Variants in OR9Q1 observed in about 807,000 individuals in gnomAD.
OR9Q1 encodes olfactory receptor 9Q1.
For missense variants in OR9Q1, 374 were observed against 378.8 expected (o/e 0.99, Z 0.11); for synonymous variants, 153 against 148.6 (o/e 1.03, Z -0.22).
Position 58,167,465 on chromosome 11 carries a change from C to G in OR9Q1, c.-14-11966C>G, listed in dbSNP as rs1854515907. Among the ~76,000 whole-genome samples, 2 of 152,072 alleles carry G rather than the reference C, an allele frequency of 1.3e-5. 1 individual carries two copies. Among genetic ancestry groups the G allele is most frequent in the African/African-American group, 4.8e-5 (2 of 41,408 alleles). On this transcript the variant is annotated intron_variant, in intron 2 of 2. Transcript: ENST00000335397. ...TTATGTATCTTGGGTTCTAGATAAA[C>G]TTTTAGATCAGCTTGTCGTGTTTTA... is the stretch of plus-strand genomic sequence containing the variant.
intron 2 of OR9Q1, among the ~76,000 whole-genome samples, chr11:58,061,274 C>A (rs1853378308): frequency 1.3e-5 from 2 of 152,194 alleles, no homozygotes; most frequent in African/African-American, 2.4e-5. Context: ...CAAAATTACA[C>A]AGAGGACGTG....
At chr11:58,033,872 A>G (rs866548125) in intron 1 of OR9Q1, among the ~76,000 whole-genome samples, 13 of 152,192 alleles carry the variant, frequency 8.5e-5, no homozygotes, top group Non-Finnish European at 1.5e-4. Context: ...CTAAGTCTCT[A>G]TAACAAGAGA....
chr11:58,120,091 T>G (rs1854012839), intron 2 of OR9Q1, among the ~76,000 whole-genome samples: 1 of 152,222 alleles, frequency 6.6e-6, no homozygotes, highest in Admixed American at 6.5e-5. Context: ...TATTAGCTGA[T>G]AACAAAAAGT....
intron 2 of OR9Q1, chr11:58,145,050 T>A (rs117883379): frequency 0.015 from 2,389 of 161,592 alleles, 22 homozygotes; most frequent in Non-Finnish European, 0.023. Context: ...TTGCCTGTAG[T>A]GAAACCAGGC....
chr11:58,140,689 G>T (rs994754331), intron 2 of OR9Q1, among the ~76,000 whole-genome samples: 2 of 152,162 alleles, frequency 1.3e-5, no homozygotes, highest in Non-Finnish European at 2.9e-5. Context: ...GGTTACTGTA[G>T]CCTTGTGGTA....
chr11:58,032,227 T>C (rs1853048915), intron 1 of OR9Q1, among the ~76,000 whole-genome samples: 1 of 152,064 alleles, frequency 6.6e-6, no homozygotes, highest in South Asian at 2.1e-4. Flanking sequence ...AAACTATCAA[T>C]GTCATTTTTC....
intron 1 of OR9Q1, among the ~76,000 whole-genome samples, chr11:58,037,439 G>T (rs1397637088): frequency 1.3e-5 from 2 of 151,554 alleles, no homozygotes; most frequent in Non-Finnish European, 2.9e-5. Flanking sequence ...GAGTAGATAT[G>T]AACACAAAAT....
intron 2 of OR9Q1, among the ~76,000 whole-genome samples, chr11:58,149,494 A>G (rs1177780737): frequency 6.6e-6 from 1 of 152,216 alleles, no homozygotes; most frequent in African/African-American, 2.4e-5. Flanking sequence ...CATTTTAACC[A>G]TGTAAGTACA....
At chr11:58,118,640 C>T (rs747664694) in intron 2 of OR9Q1, 3 of 1,613,952 alleles carry the variant, frequency 1.9e-6, no homozygotes, top group Non-Finnish European at 2.5e-6. Flanking sequence ...TTGTCTTCCT[C>T]CAGAGATTTG....
intron 2 of OR9Q1, among the ~76,000 whole-genome samples, chr11:58,062,692 T>G (rs1363705911): frequency 6.6e-6 from 1 of 152,234 alleles, no homozygotes; most frequent in African/African-American, 2.4e-5. Flanking sequence ...ACTAATTTCA[T>G]GCACTTCAGC....
Position 58,068,687 on chromosome 11 carries a change from G to A in OR9Q1, c.-15+12740G>A, listed in dbSNP as rs74690486. ...TGTGATCATTTAGGTCATCAAAAGA[G>A]CTTTTCCAATTTTCAAGTGCTGTGA... On this transcript the variant is annotated intron_variant, in intron 2 of 2. Transcript: ENST00000335397. Among the ~76,000 whole-genome samples, 54 of 152,270 alleles carry A rather than the reference G, an allele frequency of 3.5e-4. No individual in the cohort carries two copies. In the East Asian group the frequency reaches 8.3e-3, roughly 23 times the overall value.
At chr11:58,090,012 G>C (rs1329586719) in intron 2 of OR9Q1, among the ~76,000 whole-genome samples, 1 of 152,126 alleles carries the variant, frequency 6.6e-6, no homozygotes, top group African/African-American at 2.4e-5. Flanking sequence ...CCGAGACTTT[G>C]CTGAAGTTAC....
At chr11:58,053,750 C>G (rs1446912381) in intron 1 of OR9Q1, among the ~76,000 whole-genome samples, 2 of 145,708 alleles carry the variant, frequency 1.4e-5, no homozygotes, top group East Asian at 3.9e-4. Context: ...CTCTTCATGG[C>G]TGAGACACTC....
chr11:58,081,749 T>A (rs1337437772), intron 2 of OR9Q1, among the ~76,000 whole-genome samples: 3 of 152,012 alleles, frequency 2.0e-5, no homozygotes, highest in Non-Finnish European at 4.4e-5. Context: ...TTGCAAAGAT[T>A]TTTTCCCATT....
intron 2 of OR9Q1, among the ~76,000 whole-genome samples, chr11:58,139,527 T>C (rs980287813): frequency 7.3e-5 from 11 of 151,710 alleles, no homozygotes; most frequent in African/African-American, 2.4e-4. Context: ...AGTGAGAACA[T>C]GTGGTGTTTG....
Position 58,180,646 on chromosome 11 carries a change from A to G in OR9Q1, c.*269A>G. The G allele has an allele frequency of 3.1e-6, 1 of 318,686 alleles. No individual in the cohort carries two copies. Among genetic ancestry groups the G allele is most frequent in the Non-Finnish European group, 6.0e-6 (1 of 165,292 alleles). 19.7% of individuals were successfully genotyped at this position (318,686 alleles called of 1,614,324 possible). A position where few individuals can be genotyped will look rare whatever the true frequency, so the allele number is the denominator to read the frequency against. ...GTGCAATCCAAATATGGCACACTTC[A>G]CCTGTCTGTGATTATAAGAGTAATT... On this transcript the variant is annotated 3_prime_UTR_variant, in exon 3 of 3. Transcript: ENST00000335397.
rs767563594 is a variant in OR9Q1 at position 58,180,174 on chromosome 11, C to T, written c.730C>T (p.Leu244Phe). 5.6e-6 allele frequency: 9 copies of T among 1,613,884 alleles called. No homozygotes were observed. The East Asian group carries it at 1.3e-4, about 24-fold the overall frequency. The change falls in exon 3 of 3, where the codon CTC becomes TTC. Residue 244 changes from leucine (L) to phenylalanine (F), a missense_variant. By Grantham distance (22) the Leu-to-Phe change is conservative. Coordinates refer to ENST00000335397, the MANE Select transcript of OR9Q1 (RefSeq NM_001005212.4). ...GACCTTCTCCACCTGCACCTCCCAC[C>T]TCACTGCTGTGTCACTCTTCTTTGG... is the stretch of plus-strand genomic sequence containing the variant. ...AKTFSTCTSH[L>F]TAVSLFFGTL...
chr11:58,067,610 C>T (rs1853442363), intron 2 of OR9Q1, among the ~76,000 whole-genome samples: 1 of 152,214 alleles, frequency 6.6e-6, no homozygotes, highest in Admixed American at 6.5e-5. Flanking sequence ...GGTGCCAGGG[C>T]CTCAGAAGGC....
At chr11:58,059,155 C>T (rs150173746) in intron 2 of OR9Q1, among the ~76,000 whole-genome samples, 5 of 152,248 alleles carry the variant, frequency 3.3e-5, no homozygotes, top group South Asian at 2.1e-4. Flanking sequence ...AACCAACTGA[C>T]GTTTTTAGAA....
Sources: allele counts gnomAD v4.1 joint callset (sites outside exome capture counted in the v4.1 genomes callset), GRCh38; gene constraint gnomAD v4.1.1; transcripts MANE v1.5; gene names NCBI Gene and HGNC (gene_info 2026-07-23, HGNC 2026-07-21).